The following LRMDA variants were observed in gnomAD, a reference collection of about 807,000 sequenced individuals.
LRMDA encodes the protein leucine-rich melanocyte differentiation-associated protein.
A neutral mutation model predicts 29.8 loss-of-function variants in LRMDA; 18 were observed. The ratio of observed to expected loss-of-function variants is 0.60; its 90% CI spans 0.42 to 0.90. LRMDA has a LOEUF of 0.90. LRMDA is among the 40% of genes least tolerant of loss of function. LRMDA has a pLI of 0.00. For missense variants in LRMDA, 273 were observed against 273.9 expected, an observed-to-expected ratio of 1.00 and a Z score of 0.02; for synonymous variants, 125 against 109.4, an observed-to-expected ratio of 1.14 and a Z score of -0.89.
intron 2 of LRMDA, among the ~76,000 whole-genome samples, chr10:75,696,135 A>G (rs542180561): frequency 3.3e-5 from 5 of 152,358 alleles, no homozygotes; most frequent in African/African-American, 1.2e-4. Flanking sequence ...TTTTAATTTC[A>G]GACTGCCCAT....
chr10:75,599,320 G>T (rs1363193762), intron 2 of LRMDA, among the ~76,000 whole-genome samples: 1 of 152,174 alleles, frequency 6.6e-6, no homozygotes, highest in Non-Finnish European at 1.5e-5. Flanking sequence ...GCTGGCTCCT[G>T]TGTGATATTA....
intron 6 of LRMDA, among the ~76,000 whole-genome samples, chr10:76,365,107 T>TATACACACAC (rs141131236): frequency 0.021 from 1,311 of 61,276 alleles, 43 homozygotes; most frequent in Middle Eastern, 0.088. Context: ...TATATATATA[T>TATACACACAC]ACACACACAC....
chr10:76,007,525 T>C (rs1340403833), intron 2 of LRMDA, among the ~76,000 whole-genome samples: 1 of 152,142 alleles, frequency 6.6e-6, no homozygotes, highest in African/African-American at 2.4e-5. Flanking sequence ...TGTTGGAAGA[T>C]TTACTGTGGT....
intron 5 of LRMDA, among the ~76,000 whole-genome samples, chr10:76,108,023 C>T (rs1381320281): frequency 6.6e-6 from 1 of 152,102 alleles, no homozygotes; most frequent in Non-Finnish European, 1.5e-5. Flanking sequence ...GCCTTGTCAC[C>T]CACAGTAGAA....
intron 5 of LRMDA, among the ~76,000 whole-genome samples, chr10:76,265,690 A>C (rs1482345321): frequency 2.6e-5 from 4 of 152,164 alleles, no homozygotes; most frequent in African/African-American, 4.8e-5. Flanking sequence ...GTGACTGTAC[A>C]TTGGTTATTG....
At chr10:76,254,316 A>ATACCATACCC in intron 5 of LRMDA, among the ~76,000 whole-genome samples, 1 of 148,794 alleles carries the variant, frequency 6.7e-6, no homozygotes, top group South Asian at 2.2e-4. Context: ...ATACCATACC[A>ATACCATACCC]TACCATACCA....
chr10:75,953,468 G>T (rs952210713), intron 2 of LRMDA, among the ~76,000 whole-genome samples: 1 of 152,258 alleles, frequency 6.6e-6, no homozygotes, highest in Non-Finnish European at 1.5e-5. Flanking sequence ...GTTCAGATAT[G>T]TGGGGCCCTG....
intron 4 of LRMDA, among the ~76,000 whole-genome samples, chr10:76,056,785 C>T (rs1848622615): frequency 6.6e-6 from 1 of 152,182 alleles, no homozygotes; most frequent in Non-Finnish European, 1.5e-5. Flanking sequence ...CTTCCCAAGC[C>T]CCCAAGAGCA....
intron 6 of LRMDA, among the ~76,000 whole-genome samples, chr10:76,378,587 G>A (rs1331898511): frequency 6.6e-6 from 1 of 152,034 alleles, no homozygotes; most frequent in African/African-American, 2.4e-5. Context: ...TTTTAATCAT[G>A]AAGAGATGCT....
intron 2 of LRMDA, among the ~76,000 whole-genome samples, chr10:75,851,207 T>C (rs961546547): frequency 2.6e-5 from 4 of 152,194 alleles, no homozygotes; most frequent in Non-Finnish European, 5.9e-5. Context: ...ACAAACATCC[T>C]TGTTTATTGA....
At chr10:75,655,295 C>G (rs977982199) in intron 2 of LRMDA, among the ~76,000 whole-genome samples, 2 of 152,196 alleles carry the variant, frequency 1.3e-5, no homozygotes, top group Admixed American at 6.5e-5. Flanking sequence ...CCATACTTCT[C>G]TAAGGATTTT....
intron 6 of LRMDA, among the ~76,000 whole-genome samples, chr10:76,490,457 A>T (rs115046839): frequency 0.018 from 2,725 of 151,468 alleles, 87 homozygotes; most frequent in African/African-American, 0.061. Flanking sequence ...ATATCTGGGT[A>T]CTCCAGTGTT....
intron 5 of LRMDA, among the ~76,000 whole-genome samples, chr10:76,312,501 C>A (rs1465637984): frequency 6.6e-6 from 1 of 151,914 alleles, no homozygotes; most frequent in Non-Finnish European, 1.5e-5. Flanking sequence ...TTAAAAAAAA[C>A]CTCCGTGAGA....
At chr10:75,973,464 G>A (rs1419860119) in intron 2 of LRMDA, among the ~76,000 whole-genome samples, 1 of 149,128 alleles carries the variant, frequency 6.7e-6, no homozygotes, top group Admixed American at 6.7e-5. Context: ...TGTGGCTCAA[G>A]CTGGAGTGCA....
chr10:76,248,244 A>T (rs950586871), intron 5 of LRMDA, among the ~76,000 whole-genome samples: 1 of 152,194 alleles, frequency 6.6e-6, no homozygotes, highest in Admixed American at 6.5e-5. Flanking sequence ...GCTGCCGAAC[A>T]TCCTACCATG....
chr10:76,346,536 A>G (rs1006075196), intron 6 of LRMDA: 1 of 152,330 alleles, frequency 6.6e-6, no homozygotes, highest in East Asian at 1.9e-4. Flanking sequence ...ATAAAGAAAT[A>G]TGGAGAAAAA....
chr10:76,191,646 A>G (rs1248859467), intron 5 of LRMDA, among the ~76,000 whole-genome samples: 2 of 152,208 alleles, frequency 1.3e-5, no homozygotes, highest in African/African-American at 2.4e-5. Context: ...ACCACCCTGT[A>G]GGGCCCTTTT....
intron 2 of LRMDA, among the ~76,000 whole-genome samples, chr10:76,006,190 G>A (rs942231051): frequency 6.6e-6 from 1 of 152,144 alleles, no homozygotes; most frequent in African/African-American, 2.4e-5. Context: ...TCTTCCTGGA[G>A]TGTCCACCCA....
chr10:76,167,134 G>A (rs980172454), intron 5 of LRMDA, among the ~76,000 whole-genome samples: 10 of 151,854 alleles, frequency 6.6e-5, no homozygotes, highest in African/African-American at 2.4e-4. Context: ...TGTGTTTCTT[G>A]CCCACTTTTT....
Sources: allele counts gnomAD v4.1 joint callset (sites outside exome capture counted in the v4.1 genomes callset), GRCh38; gene constraint gnomAD v4.1.1; transcripts MANE v1.5; gene names NCBI Gene and HGNC (gene_info 2026-07-23, HGNC 2026-07-21).